Variants in PIWIL3 observed in about 807,000 individuals in gnomAD.
The protein encoded by PIWIL3 is piwi like RNA-mediated gene silencing 3.
In PIWIL3, 101 loss-of-function variants were observed where a neutral mutation model predicts 109.7. The observed-to-expected ratio is 0.92, with a 90% CI of 0.78 to 1.09. The LOEUF is 1.09. PIWIL3 is among the 50% of genes least tolerant of loss of function. PIWIL3 has a pLI of 0.00. For synonymous variants in PIWIL3, 373 were observed against 376.4 expected (o/e 0.99, Z 0.10); for missense variants, 1,031 against 1,072.6 (o/e 0.96, Z 0.54).
At chr22:24,731,269 C>T (rs1176199250) in intron 14 of PIWIL3, among the ~76,000 whole-genome samples, 1 of 152,154 alleles carries the variant, frequency 6.6e-6, no homozygotes, top group East Asian at 1.9e-4. Context: ...GGGTAATCAC[C>T]GTAGCACCTA....
At chr22:24,752,497 G>A (rs1366339075) in intron 8 of PIWIL3, among the ~76,000 whole-genome samples, 1 of 152,056 alleles carries the variant, frequency 6.6e-6, no homozygotes, top group African/African-American at 2.4e-5. Context: ...ACGTAAATCA[G>A]ACACCACCTC....
intron 1 of PIWIL3, among the ~76,000 whole-genome samples, chr22:24,774,051 A>G (rs997597508): frequency 3.9e-5 from 6 of 152,168 alleles, no homozygotes; most frequent in African/African-American, 1.4e-4. Context: ...TACATACTCC[A>G]CATGCTCAAA....
intron 2 of PIWIL3, among the ~76,000 whole-genome samples, chr22:24,760,779 T>TGAAAAAAAAAAAA (rs1925381718): frequency 3.4e-5 from 1 of 29,142 alleles, no homozygotes. Flanking sequence ...AAACTCTGTC[T>TGAAAAAAAAAAAA]CAAAAAAAAA....
chr22:24,757,311 A>T (rs551881170), intron 4 of PIWIL3, among the ~76,000 whole-genome samples: 21 of 152,010 alleles, frequency 1.4e-4, no homozygotes, highest in Admixed American at 1.3e-4. Flanking sequence ...ATTTAATTTT[A>T]AAAAAAGTCT....
intron 1 of PIWIL3, among the ~76,000 whole-genome samples, chr22:24,764,079 G>GCAA (rs1925632215): frequency 6.6e-6 from 1 of 152,158 alleles, no homozygotes; most frequent in Non-Finnish European, 1.5e-5. Context: ...GGAAATACAC[G>GCAA]GACCAGCCCA....
intron 14 of PIWIL3, among the ~76,000 whole-genome samples, chr22:24,730,014 T>G (rs1923243746): frequency 6.6e-6 from 1 of 152,030 alleles, no homozygotes; most frequent in African/African-American, 2.4e-5. Context: ...CAGCTTTAAG[T>G]TTTTTGGTTT....
intron 16 of PIWIL3, 131 bp from the exon 17 acceptor site, chr22:24,725,646 G>T: frequency 1.2e-6 from 1 of 868,554 alleles, no homozygotes; most frequent in Non-Finnish European, 1.8e-6. Flanking sequence ...ATATCTCTAC[G>T]GAGATCAAAG....
chr22:24,751,531 C>T, intron 8 of PIWIL3, 33 bp from the exon 9 acceptor site: 4 of 1,598,140 alleles, frequency 2.5e-6, no homozygotes, highest in South Asian at 1.1e-5. Flanking sequence ...TATTATTTGA[C>T]TTATTCATCA....
intron 12 of PIWIL3, 72 bp downstream of exon 12, chr22:24,748,835 T>C (rs897354473): frequency 1.7e-6 from 2 of 1,200,758 alleles, no homozygotes; most frequent in African/African-American, 1.5e-5. Flanking sequence ...TTACTGAGAC[T>C]CAAGTTAGTT....
rs1376537271 is a variant in PIWIL3, at chr22:24,750,452, A to G, written c.1090-633T>C. Among the ~76,000 whole-genome samples, 7 of 134,098 alleles carry G rather than the reference A, an allele frequency of 5.2e-5. No individual in the cohort carries two copies. In the East Asian group the frequency reaches 1.3e-3, roughly 25 times the overall value. The allele number at this position is 134,098 out of a possible 152,430, so 88.0% of individuals were successfully genotyped here. A position where few individuals can be genotyped will look rare whatever the true frequency, so the allele number is the denominator to read the frequency against. On this transcript the variant is annotated intron_variant, in intron 9 of 20. Transcript: ENST00000616349. ...GGGCTGAGATTTCTAGATAAGTAATATTTTCTTATCTGAAGTCTTACCACA... is the reference window on the plus strand; with the variant it reads ...GGGCTGAGATTTCTAGATAAGTAATGTTTTCTTATCTGAAGTCTTACCACA...
chr22:24,740,380 C>T (rs1253361489), intron 12 of PIWIL3, among the ~76,000 whole-genome samples: 1 of 151,496 alleles, frequency 6.6e-6, no homozygotes, highest in Non-Finnish European at 1.5e-5. Flanking sequence ...AACCCCGTCT[C>T]TACTAAAAAC....
intron 6 of PIWIL3, among the ~76,000 whole-genome samples, chr22:24,755,270 C>T (rs543218063): frequency 6.6e-5 from 10 of 152,238 alleles, no homozygotes; most frequent in Admixed American, 5.9e-4. Context: ...CCACAGGCAC[C>T]TGCCACCATG....
At chr22:24,719,684 C>A in intron 20 of PIWIL3, 64 bp downstream of exon 20, 1 of 1,561,806 alleles carries the variant, frequency 6.4e-7, no homozygotes, top group Non-Finnish European at 8.8e-7. Context: ...AGAGGTCCAA[C>A]ATTGTTCAAT....
At position 24,751,376 on chromosome 22, in the gene PIWIL3, C is replaced by A. The variant is rs143403058; in HGVS notation, c.1089+11G>T. The A allele has an allele frequency of 3.1e-4, 494 of 1,581,006 alleles. 2 individuals are homozygous for A. The highest frequency in any genetic ancestry group is 2.5e-3 in the African/African-American group (184 of 73,138). On this transcript the variant is annotated intron_variant, in intron 9 of 20. Transcript: ENST00000616349. ...CAATTTAAATATATTTAAAGAAATACAGTTTCATACCTGCCTGTAGTAGTC... is the reference window on the plus strand; with the variant it reads ...CAATTTAAATATATTTAAAGAAATAAAGTTTCATACCTGCCTGTAGTAGTC...
chr22:24,737,631 C>T (rs1224378671), intron 12 of PIWIL3, among the ~76,000 whole-genome samples: 1 of 152,200 alleles, frequency 6.6e-6, no homozygotes, highest in Non-Finnish European at 1.5e-5. Context: ...GGTAGAGCAT[C>T]AAGCAGGCTT....
chr22:24,749,841 A>G, intron 9 of PIWIL3, 22 bp from the exon 10 acceptor site: 1 of 1,613,994 alleles, frequency 6.2e-7, no homozygotes, highest in Non-Finnish European at 8.5e-7. Context: ...ACAAGAGACC[A>G]GCATGACCAT....
At chr22:24,729,040 A>G (rs747726591) in intron 14 of PIWIL3, among the ~76,000 whole-genome samples, 7 of 152,222 alleles carry the variant, frequency 4.6e-5, no homozygotes, top group Admixed American at 6.5e-5. Context: ...TGTAATCAGC[A>G]GGCTCCCAGG....
chr22:24,722,731 A>ATACC (rs1922749291), intron 19 of PIWIL3, among the ~76,000 whole-genome samples: 1 of 152,046 alleles, frequency 6.6e-6, no homozygotes, highest in Non-Finnish European at 1.5e-5. Flanking sequence ...AGATAGATAG[A>ATACC]TACCTACCTA....
chr22:24,770,591 G>A (rs551479698), intron 1 of PIWIL3, among the ~76,000 whole-genome samples: 19 of 151,246 alleles, frequency 1.3e-4, no homozygotes, highest in Middle Eastern at 3.4e-3. Flanking sequence ...GGGAAGCTGA[G>A]GCGGGTGGAT....
Sources: gnomAD v4.1 joint callset for allele counts (sites outside exome capture counted in the v4.1 genomes callset) on GRCh38, gnomAD v4.1.1 for gene constraint, MANE v1.5 for transcripts, NCBI Gene and HGNC (gene_info 2026-07-23, HGNC 2026-07-21) for gene names.